The following ZNF112 variants were observed in gnomAD, a reference collection of about 807,000 sequenced individuals.
ZNF112 encodes zinc finger protein 112, also known as zinc finger protein 112 (Y14).
Under a neutral mutation model 77.7 loss-of-function variants are expected in ZNF112, and 37 were observed. That is an observed-to-expected ratio of 0.48 (90% CI 0.37 to 0.63). ZNF112 has a LOEUF of 0.63. Ranked by LOEUF, ZNF112 falls within the 20% of genes least tolerant of loss-of-function variation. ZNF112 has a pLI of 0.00. For missense variants in ZNF112, 950 were observed against 1,077.4 expected (o/e 0.88, Z 1.66); for synonymous variants, 333 against 363.6 (o/e 0.92, Z 0.96).
chr19:44,340,560 T>C lies in ZNF112; in HGVS notation c.-3-18A>G, dbSNP rs747149706. ...ACCATCTCCTACAATGCCAAACACA[T>C]GCACACTAAGTTTACAGAAGAAGGG... is the stretch of plus-strand genomic sequence containing the variant. On this transcript the variant is annotated intron_variant, in intron 1 of 3. Coordinates refer to ENST00000354340, the MANE Select transcript of ZNF112 (RefSeq NM_013380.4). 9.9e-6 allele frequency: 16 copies of C among 1,613,540 alleles called. No individual in the cohort carries two copies. The African/African-American group carries it at 1.6e-4, about 16-fold the overall frequency.
chr19:44,329,417 G>A lies in ZNF112; in HGVS notation c.740C>T (p.Thr247Ile), dbSNP rs1291716422. 1.9e-6 allele frequency: 3 copies of A among 1,613,888 alleles called. No homozygotes were observed. In the African/African-American group the frequency reaches 4.0e-5, roughly 22 times the overall value. ...VSLLNQESIQ[T>I]EEKPYPCTGY... ...AGTACATGGATAGGGCTTCTCCTCTGTTTGAATTGACTCCTGATTAAGTAA... is the reference window on the plus strand; with the variant it reads ...AGTACATGGATAGGGCTTCTCCTCTATTTGAATTGACTCCTGATTAAGTAA... Residue 247 changes from threonine (T) to isoleucine (I), a missense_variant, in exon 4 of 4, where the codon ACA (threonine) becomes ATA (isoleucine). Coordinates refer to ENST00000354340, the MANE Select transcript of ZNF112 (RefSeq NM_013380.4).
chr19:44,347,728 C>T (rs1970622194), intron 1 of ZNF112, among the ~76,000 whole-genome samples: 1 of 151,882 alleles, frequency 6.6e-6, no homozygotes. Flanking sequence ...TACACAAAAA[C>T]CTCTAGCCAA....
At chr19:44,348,441 T>G (rs997565411) in intron 1 of ZNF112, among the ~76,000 whole-genome samples, 3 of 152,160 alleles carry the variant, frequency 2.0e-5, no homozygotes, top group African/African-American at 7.2e-5. Flanking sequence ...TCACTGATTC[T>G]TTTTTCTGTC....
At chr19:44,335,981 C>T (rs73555165) in intron 3 of ZNF112, among the ~76,000 whole-genome samples, 10,693 of 152,044 alleles carry the variant, frequency 0.07, 493 homozygotes, top group African/African-American at 0.12. Context: ...TGTTTGGGTG[C>T]GAGAGTATGG....
rs374034599 is a variant in ZNF112, at chr19:44,329,163, C to T, written c.994G>A (p.Glu332Lys). 3.7e-6 allele frequency: 6 copies of T among 1,613,780 alleles called. No individual in the cohort carries two copies. The highest frequency in any genetic ancestry group is 5.1e-6 in the Non-Finnish European group (6 of 1,180,004). Residue 332 changes from glutamate (E) to lysine (K), a missense_variant, in exon 4 of 4, where the codon GAG becomes AAG. Coordinates refer to ENST00000354340, the MANE Select transcript of ZNF112 (RefSeq NM_013380.4). ...EKPCKCGEYGENFNHCSPLNT... is the reference protein window; with the variant it reads ...EKPCKCGEYGKNFNHCSPLNT... ...AGAGGGGAACAGTGATTGAAGTTCT[C>T]ACCATATTCACCACATTTGCATGGT...
At chr19:44,362,520 C>A (rs1245166898) in intron 1 of ZNF112, among the ~76,000 whole-genome samples, 3 of 151,186 alleles carry the variant, frequency 2.0e-5, no homozygotes, top group Non-Finnish European at 4.4e-5. Flanking sequence ...TGTTCATGTG[C>A]ACTATTCTTG....
At chr19:44,357,747 C>T (rs1385005073), upstream of ZNF112, among the ~76,000 whole-genome samples, 1 of 152,060 alleles carries the variant, frequency 6.6e-6, no homozygotes, top group East Asian at 1.9e-4. Context: ...CTTGTAAAAC[C>T]TCGAAATTTT....
rs962079868 is a variant in ZNF112 at position 44,326,666 on chromosome 19, A to G, written c.*767T>C. 2.6e-5 allele frequency: 4 copies of G among 152,228 alleles called. No individual in the cohort carries two copies. The highest frequency in any genetic ancestry group is 5.9e-5 in the Non-Finnish European group (4 of 68,036). 9.4% of individuals were successfully genotyped at this position (152,228 alleles called of 1,614,324 possible). A position where few individuals can be genotyped will look rare whatever the true frequency, so the allele number is the denominator to read the frequency against. On this transcript the variant is annotated 3_prime_UTR_variant, in exon 4 of 4. Transcript: ENST00000354340. ...TTCACAGGGCAGGAGTAGAAAATCA[A>G]TTATGTAAAATACAGTGTTCCATTT...
At chr19:44,354,265 A>C (rs1223842237) in intron 1 of ZNF112, among the ~76,000 whole-genome samples, 4 of 152,098 alleles carry the variant, frequency 2.6e-5, no homozygotes, top group Non-Finnish European at 5.9e-5. Flanking sequence ...GGGTGATGGA[A>C]CTGTTCTTTT....
intron 1 of ZNF112, among the ~76,000 whole-genome samples, chr19:44,345,964 A>T (rs1014712276): frequency 3.9e-5 from 6 of 152,152 alleles, no homozygotes; most frequent in South Asian, 2.1e-4. Context: ...TCTTTTCACA[A>T]CCCTTCAAAT....
chr19:44,350,991 T>C (rs73555200), intron 1 of ZNF112, among the ~76,000 whole-genome samples: 10,785 of 152,172 alleles, frequency 0.071, 502 homozygotes, highest in African/African-American at 0.13. Context: ...TTATTAGTTA[T>C]GGAGATCAGA....
chr19:44,352,376 G>C (rs982233354), intron 1 of ZNF112, among the ~76,000 whole-genome samples: 1 of 152,066 alleles, frequency 6.6e-6, no homozygotes, highest in South Asian at 2.1e-4. Flanking sequence ...ATCCACTCAT[G>C]ACAGAACTTT....
At chr19:44,343,500 A>G (rs1970531062) in intron 1 of ZNF112, among the ~76,000 whole-genome samples, 2 of 152,208 alleles carry the variant, frequency 1.3e-5, no homozygotes, top group Admixed American at 1.3e-4. Context: ...AGCAACCTGC[A>G]CAGCTGTACC....
chr19:44,327,533 C>T lies in ZNF112; in HGVS notation c.2624G>A (p.Arg875Lys). 1 of 1,614,008 alleles carries T rather than the reference C, an allele frequency of 6.2e-7. No homozygotes were observed. Among genetic ancestry groups the T allele is most frequent in the Non-Finnish European group, 8.5e-7 (1 of 1,179,944 alleles). ...ATAGAATTTATCACTACTATGGACT[C>T]TTTGATGAATGAGAAGACCTGAGCT... ...RWSSGLLIHQ[R>K]VHSSDKFYKS... is the part of the protein sequence containing the mutation. The change falls in exon 4 of 4, where the codon AGA becomes AAA. Residue 875 changes from arginine to lysine, a missense_variant. This residue lies in a region of ZNF112 where 373 missense variants were observed against 482.8 expected (regional missense o/e 0.77). Coordinates refer to ENST00000354340, the MANE Select transcript of ZNF112 (RefSeq NM_013380.4).
intron 3 of ZNF112, among the ~76,000 whole-genome samples, chr19:44,333,306 A>T (rs1970304332): frequency 6.6e-6 from 1 of 152,256 alleles, no homozygotes; most frequent in Non-Finnish European, 1.5e-5. Context: ...AAGCGAGAAC[A>T]TCAGCTCAGG....
At chr19:44,342,761 G>C (rs1381473240) in intron 1 of ZNF112, among the ~76,000 whole-genome samples, 1 of 151,300 alleles carries the variant, frequency 6.6e-6, no homozygotes, top group East Asian at 1.9e-4. Flanking sequence ...GGTGCAGTGA[G>C]CCGAGATCAT....
At chr19:44,359,693 A>C (rs1970835963), upstream of ZNF112, among the ~76,000 whole-genome samples, 1 of 152,188 alleles carries the variant, frequency 6.6e-6, no homozygotes, top group Admixed American at 6.5e-5. Flanking sequence ...CTTTTCAAAT[A>C]ATTGATAAGG....
intron 1 of ZNF112, among the ~76,000 whole-genome samples, chr19:44,350,007 G>A (rs554922503): frequency 6.6e-6 from 1 of 152,052 alleles, no homozygotes; most frequent in Non-Finnish European, 1.5e-5. Flanking sequence ...AGGAACAGTC[G>A]ATATGGAACA....
At chr19:44,357,587 C>T (rs948600661), upstream of ZNF112, among the ~76,000 whole-genome samples, 1 of 152,166 alleles carries the variant, frequency 6.6e-6, no homozygotes, top group Non-Finnish European at 1.5e-5. Flanking sequence ...AAAACAGATG[C>T]AACCGTTGAT....
Sources: allele counts gnomAD v4.1 joint callset (sites outside exome capture counted in the v4.1 genomes callset), GRCh38; gene constraint gnomAD v4.1.1; regional missense constraint gnomAD v4.1.1; transcripts MANE v1.5; gene names NCBI Gene and HGNC (gene_info 2026-07-23, HGNC 2026-07-21).